The following REDIC1 variants were observed in gnomAD, a reference collection of about 807,000 sequenced individuals.
REDIC1 encodes regulator of DNA class I crossover intermediates 1.
chr12:39,816,588 A>G, the REDIC1 span, among the ~76,000 whole-genome samples: 2 of 152,076 alleles, frequency 1.3e-5, no homozygotes, highest in South Asian at 4.1e-4. Context: ...TATAATAAAA[A>G]AAAAGAAAGA....
the REDIC1 span, among the ~76,000 whole-genome samples, chr12:39,792,365 A>G: frequency 2.0e-5 from 3 of 151,916 alleles, no homozygotes; most frequent in African/African-American, 7.3e-5. Flanking sequence ...AAAAGCCAAA[A>G]TTGACAAATG....
the REDIC1 span, among the ~76,000 whole-genome samples, chr12:39,700,958 A>G: frequency 6.6e-6 from 1 of 152,134 alleles, no homozygotes; most frequent in African/African-American, 2.4e-5. Context: ...GAAAGGAACA[A>G]CCGGTACCAG....
At chr12:39,713,568 G>A in the REDIC1 span, among the ~76,000 whole-genome samples, 306 of 148,616 alleles carry the variant, frequency 2.1e-3, 1 homozygote, top group Admixed American at 0.019. Flanking sequence ...ACATGTGTAC[G>A]CGTACATATG....
chr12:39,711,392 T>C, the REDIC1 span, among the ~76,000 whole-genome samples: 1 of 146,554 alleles, frequency 6.8e-6, no homozygotes, highest in African/African-American at 2.5e-5. Flanking sequence ...TGTATGTGTG[T>C]ACATATACAC....
At chr12:39,760,582 A>AAAAT in the REDIC1 span, among the ~76,000 whole-genome samples, 1 of 151,992 alleles carries the variant, frequency 6.6e-6, no homozygotes, top group Non-Finnish European at 1.5e-5. Context: ...TGAGACCCCT[A>AAAAT]AAATAACAAC....
At chr12:39,645,554 T>C in the REDIC1 span, among the ~76,000 whole-genome samples, 1 of 151,988 alleles carries the variant, frequency 6.6e-6, no homozygotes, top group Non-Finnish European at 1.5e-5. Flanking sequence ...TTACTCACCT[T>C]CTCTAGTTTT....
the REDIC1 span, among the ~76,000 whole-genome samples, chr12:39,713,917 G>A: frequency 1.4e-5 from 2 of 147,790 alleles, no homozygotes; most frequent in East Asian, 2.0e-4. Context: ...ATGTGTATAT[G>A]TATATATTAA....
chr12:39,829,111 C>T, the REDIC1 span, among the ~76,000 whole-genome samples: 3 of 151,854 alleles, frequency 2.0e-5, no homozygotes, highest in Admixed American at 2.0e-4. Context: ...GAATTTAAAA[C>T]ACAAAATAGA....
At chr12:39,905,267 A>T in the REDIC1 span, among the ~76,000 whole-genome samples, 4 of 152,106 alleles carry the variant, frequency 2.6e-5, no homozygotes, top group African/African-American at 9.7e-5. Flanking sequence ...CCCTGCATTC[A>T]TCATCTCTGT....
the REDIC1 span, among the ~76,000 whole-genome samples, chr12:39,825,696 T>G: frequency 2.6e-5 from 4 of 152,284 alleles, no homozygotes; most frequent in East Asian, 7.7e-4. Flanking sequence ...ATATTGTTTG[T>G]GCCTTCTCTC....
chr12:39,656,765 T>A, the REDIC1 span, among the ~76,000 whole-genome samples: 299 of 152,212 alleles, frequency 2.0e-3, 1 homozygote, highest in African/African-American at 6.9e-3. Context: ...GGACCTAGGC[T>A]AATGTATGTT....
chr12:39,817,747 T>A, the REDIC1 span, among the ~76,000 whole-genome samples: 4 of 152,202 alleles, frequency 2.6e-5, no homozygotes, highest in Non-Finnish European at 1.5e-5. Flanking sequence ...TGCCAAACAC[T>A]AAATCTATGA....
chr12:39,715,342 G>A, the REDIC1 span, among the ~76,000 whole-genome samples: 351 of 151,772 alleles, frequency 2.3e-3, no homozygotes, highest in African/African-American at 5.5e-3. Context: ...TTTATGTTTC[G>A]TTTCCTTCGT....
At chr12:39,875,437 T>G in the REDIC1 span, among the ~76,000 whole-genome samples, 4 of 152,234 alleles carry the variant, frequency 2.6e-5, no homozygotes, top group East Asian at 5.8e-4. Flanking sequence ...TAAGGTAAAC[T>G]GATTAGCACA....
the REDIC1 span, among the ~76,000 whole-genome samples, chr12:39,855,751 A>T: frequency 8.5e-5 from 13 of 152,352 alleles, no homozygotes; most frequent in Non-Finnish European, 1.5e-4. Flanking sequence ...TTCAGCTACT[A>T]AAACCAGGTT....
At chr12:39,812,337 T>TTTTTCTTTTCTTTTCTTTTC in the REDIC1 span, among the ~76,000 whole-genome samples, 1,871 of 135,206 alleles carry the variant, frequency 0.014, 42 homozygotes, top group South Asian at 0.029. Flanking sequence ...ACTAATTTCT[T>TTTTTCTTTTCTTTTCTTTTC]TTTTCTTTTC....
chr12:39,713,914 T>C, the REDIC1 span, among the ~76,000 whole-genome samples: 1 of 148,654 alleles, frequency 6.7e-6, no homozygotes, highest in Non-Finnish European at 1.5e-5. Context: ...CGTATGTGTA[T>C]ATGTATATAT....
the REDIC1 span, among the ~76,000 whole-genome samples, chr12:39,746,311 C>T: frequency 6.6e-6 from 1 of 152,170 alleles, no homozygotes; most frequent in Non-Finnish European, 1.5e-5. Flanking sequence ...CTTGGAGGAT[C>T]CCACGGCCAT....
At chr12:39,672,236 C>A in the REDIC1 span, among the ~76,000 whole-genome samples, 1 of 152,064 alleles carries the variant, frequency 6.6e-6, no homozygotes, top group South Asian at 2.1e-4. Context: ...AGGGATGGTG[C>A]CAGGCTGGGT....
Sources: gnomAD v4.1 joint callset for allele counts (sites outside exome capture counted in the v4.1 genomes callset) on GRCh38, gnomAD v4.1.1 for gene constraint, MANE v1.5 for transcripts, NCBI Gene and HGNC (gene_info 2026-07-23, HGNC 2026-07-21) for gene names.